The following CDC42BPA variants were observed in gnomAD, a reference collection of about 807,000 sequenced individuals.
The protein encoded by CDC42BPA is CDC42 binding protein kinase alpha.
In CDC42BPA, 80 loss-of-function variants were observed where a neutral mutation model predicts 223.5. That is an observed-to-expected ratio of 0.36 (90% CI 0.30 to 0.43). CDC42BPA has a LOEUF of 0.43. CDC42BPA is among the 20% of genes least tolerant of loss of function. CDC42BPA has a pLI of 1.00. For missense variants in CDC42BPA, 1,743 were observed against 2,099.9 expected (o/e 0.83, Z 3.32); for synonymous variants, 694 against 718.6 (o/e 0.97, Z 0.55).
At chr1:227,298,738 G>C (rs903534894) in intron 1 of CDC42BPA, among the ~76,000 whole-genome samples, 4 of 152,206 alleles carry the variant, frequency 2.6e-5, no homozygotes, top group Non-Finnish European at 4.4e-5. Flanking sequence ...CAGCCGCTCA[G>C]TGGCTTATAG....
chr1:227,119,980 G>A (rs750226484), intron 11 of CDC42BPA, 43 bp from the exon 12 acceptor site: 2 of 1,494,454 alleles, frequency 1.3e-6, no homozygotes. Flanking sequence ...TTGTATAAAA[G>A]CAAATGATTG....
At chr1:227,183,307 C>A (rs1668253319) in intron 5 of CDC42BPA, 1 of 152,134 alleles carries the variant, frequency 6.6e-6, no homozygotes, top group Admixed American at 6.5e-5. Flanking sequence ...AAAAGAACTC[C>A]CTCACACTGA....
intron 6 of CDC42BPA, among the ~76,000 whole-genome samples, 184 bp downstream of exon 6, chr1:227,160,359 T>C (rs1663653362): frequency 6.6e-6 from 1 of 152,210 alleles, no homozygotes; most frequent in South Asian, 2.1e-4. Context: ...AAATGGCTTG[T>C]GACTTTTTAG....
rs569836349 is a variant in CDC42BPA at position 227,111,643 on chromosome 1, C to T, written c.2001+669G>A. 2.6e-5 allele frequency among the ~76,000 whole-genome samples: 4 copies of T among 152,180 alleles called. No homozygotes were observed. In the South Asian group the frequency reaches 6.2e-4, roughly 24 times the overall value. ...GGGATTACAGGCGTGCGCACCATGC[C>T]TGGCTAATTTTGTATTTTTAGTAGA... On this transcript the variant is annotated intron_variant, in intron 14 of 36. Transcript: ENST00000366766.
In CDC42BPA at chr1:227,099,479, C is replaced by T. The variant is rs536207403; in HGVS notation, c.2249+1513G>A. Among the ~76,000 whole-genome samples the T allele has an allele frequency of 1.1e-4, 16 of 151,970 alleles. No homozygotes were observed. In the South Asian group the frequency reaches 3.1e-3, roughly 30 times the overall value. On this transcript the variant is annotated intron_variant, in intron 15 of 36. Coordinates refer to ENST00000366766, the MANE Select transcript of CDC42BPA (RefSeq NM_001394014.1). Reference sequence around the variant, plus strand: ...TCTTGTATATAATCATATAACAATACCTTTCTCAGAAAATATCCCTGGTGT... The same window carrying T: ...TCTTGTATATAATCATATAACAATATCTTTCTCAGAAAATATCCCTGGTGT...
At chr1:227,219,964 C>A (rs972641329) in intron 2 of CDC42BPA, among the ~76,000 whole-genome samples, 3 of 151,874 alleles carry the variant, frequency 2.0e-5, no homozygotes, top group African/African-American at 7.3e-5. Flanking sequence ...AGCAAGAACA[C>A]ACCAAAAAAA....
chr1:227,253,502 AGGAGAATCACTTGAATCCGGGAGGT>A (rs112909829), intron 2 of CDC42BPA, among the ~76,000 whole-genome samples: 23,366 of 152,004 alleles, frequency 0.15, 2,219 homozygotes, highest in African/African-American at 0.25. Context: ...AGGCTGAAGC[AGGAGAATCACTTGAATCCGGGAGGT>A]GGAGGTTGTA....
chr1:227,131,568 T>C (rs1440175658), intron 10 of CDC42BPA, among the ~76,000 whole-genome samples: 1 of 152,210 alleles, frequency 6.6e-6, no homozygotes, highest in East Asian at 1.9e-4. Context: ...TAGCTCCTTT[T>C]TGTCCTAGCA....
At chr1:227,187,447 T>C (rs921074354) in intron 5 of CDC42BPA, among the ~76,000 whole-genome samples, 5 of 129,946 alleles carry the variant, frequency 3.8e-5, no homozygotes, top group African/African-American at 1.5e-4. Context: ...GAGAATATAA[T>C]AGAAACTTCA....
chr1:227,023,038 A>C (rs1426383080), intron 32 of CDC42BPA, among the ~76,000 whole-genome samples: 1 of 152,238 alleles, frequency 6.6e-6, no homozygotes, highest in African/African-American at 2.4e-5. Context: ...AACAAGGTAC[A>C]TCAGAATCAA....
Position 227,139,605 on chromosome 1 carries a change from T to C in CDC42BPA, c.1361A>G (p.Glu454Gly). Residue 454 changes from glutamate (E) to glycine (G), a missense_variant, in exon 10 of 37, where the codon GAA becomes GGA. By Grantham distance (98) the Glu-to-Gly change is moderately conservative. Around this residue, in one of 6 missense-constraint regions of CDC42BPA, gnomAD observed 464 missense variants for 488.0 expected, o/e 0.95. Transcript: ENST00000366766. Reference sequence around the variant, plus strand: ...AAGTTTTCTACTGAGTTCAAGTTTTTCTTGCTCAAGGCGCTTAATTCTTCT... The same window carrying C: ...AAGTTTTCTACTGAGTTCAAGTTTTCCTTGCTCAAGGCGCTTAATTCTTCT... ...YERRIKRLEQ[E>G]KLELSRKLQE... 6.2e-7 allele frequency: 1 copy of C among 1,600,768 alleles called. No homozygotes were observed. The highest frequency in any genetic ancestry group is 8.5e-7 in the Non-Finnish European group (1 of 1,175,690).
intron 5 of CDC42BPA, among the ~76,000 whole-genome samples, chr1:227,181,813 A>G (rs1572186329): frequency 2.0e-5 from 3 of 152,338 alleles, no homozygotes; most frequent in East Asian, 3.9e-4. Context: ...ACTATGAAGT[A>G]GAAGTATTTT....
intron 1 of CDC42BPA, among the ~76,000 whole-genome samples, chr1:227,268,246 C>T (rs757998472): frequency 9.2e-5 from 14 of 152,140 alleles, no homozygotes; most frequent in Non-Finnish European, 1.8e-4. Flanking sequence ...GTATTGTTTT[C>T]GTTTGCTTTC....
chr1:227,142,787 G>T (rs10916094), intron 9 of CDC42BPA, among the ~76,000 whole-genome samples, 158 bp downstream of exon 9: 141,596 of 152,128 alleles, frequency 0.93, 66,087 homozygotes, highest in South Asian at 0.98. Flanking sequence ...GCCCACCTAA[G>T]TTTTGTATTT....
At chr1:226,997,214 T>C (rs929227930) in intron 35 of CDC42BPA, among the ~76,000 whole-genome samples, 2 of 152,236 alleles carry the variant, frequency 1.3e-5, no homozygotes, top group African/African-American at 4.8e-5. Flanking sequence ...AATTTATCCA[T>C]TTCTTCTAGA....
At chr1:227,268,659 TATATATACATATATATATATACAC>T (rs1685453662) in intron 1 of CDC42BPA, among the ~76,000 whole-genome samples, 1 of 146,666 alleles carries the variant, frequency 6.8e-6, no homozygotes, top group African/African-American at 2.5e-5. Context: ...TGTGTATATA[TATATATACATATATATATATACAC>T]ACACACACTT....
intron 15 of CDC42BPA, among the ~76,000 whole-genome samples, chr1:227,094,193 C>CT (rs1683572112): frequency 1.3e-5 from 2 of 152,254 alleles, no homozygotes. Context: ...AGAAAATAAA[C>CT]TTTTTTTATC....
intron 16 of CDC42BPA, among the ~76,000 whole-genome samples, chr1:227,089,937 C>G (rs1274721800): frequency 6.6e-6 from 1 of 152,140 alleles, no homozygotes; most frequent in Non-Finnish European, 1.5e-5. Flanking sequence ...GGTAACTCAA[C>G]AGAATCTTAA....
At chr1:227,278,876 T>G (rs1200341040) in intron 1 of CDC42BPA, among the ~76,000 whole-genome samples, 2 of 152,164 alleles carry the variant, frequency 1.3e-5, no homozygotes, top group Non-Finnish European at 2.9e-5. Context: ...GTTAAGGCAT[T>G]AAGTGATTTA....
Sources: gnomAD v4.1 joint callset for allele counts (sites outside exome capture counted in the v4.1 genomes callset) on GRCh38, gnomAD v4.1.1 for gene constraint, gnomAD v4.1.1 regional missense constraint, MANE v1.5 for transcripts, NCBI Gene and HGNC (gene_info 2026-07-23, HGNC 2026-07-21) for gene names.